DMD: variants seen among roughly 807,000 people sequenced by gnomAD.
DMD encodes the protein dystrophin.
DMD carries 63 observed loss-of-function variants against 330.1 expected under a neutral mutation model. The observed-to-expected ratio is 0.19, with a 90% CI of 0.16 to 0.24. The LOEUF (loss-of-function observed/expected upper bound fraction) is 0.24. DMD is among the 10% of genes least tolerant of loss of function. The pLI, the probability that DMD is intolerant of heterozygous loss-of-function variation, is 1.00. For missense variants in DMD, 3,344 were observed against 2,684.1 expected (o/e 1.25, Z -5.43); for synonymous variants, 1,223 against 959.8 (o/e 1.27, Z -5.07).
intron 44 of DMD, among the ~76,000 whole-genome samples, chrX:32,115,124 T>C (rs899776287): frequency 2.1e-4 from 23 of 112,057 alleles, no homozygotes; most frequent in African/African-American, 7.5e-4. Flanking sequence ...TTCTTCCTCC[T>C]GTTTTGAAAG....
chrX:32,677,122 GAA>G (rs946526696), intron 9 of DMD, among the ~76,000 whole-genome samples: 9 of 111,078 alleles, frequency 8.1e-5, no homozygotes, highest in Non-Finnish European at 1.5e-4. Flanking sequence ...AAAATTAATT[GAA>G]AAGAGTCTAG....
At chrX:32,998,514 A>C (rs1480389472) in intron 2 of DMD, among the ~76,000 whole-genome samples, 1 of 110,636 alleles carries the variant, frequency 9.0e-6, no homozygotes, top group Non-Finnish European at 1.9e-5. Context: ...TAGTATGAGC[A>C]AATGGCTTTT....
At chrX:32,436,475 C>T (rs1266318614) in intron 29 of DMD, among the ~76,000 whole-genome samples, 1 of 111,296 alleles carries the variant, frequency 9.0e-6, no homozygotes, top group Non-Finnish European at 1.9e-5. Context: ...GGGTATGTTG[C>T]TGAAATGAAT....
chrX:31,152,536 ATCT>A (rs2037562851), intron 74 of DMD, among the ~76,000 whole-genome samples: 1 of 30,326 alleles, frequency 3.3e-5, no homozygotes, highest in East Asian at 1.1e-3. Context: ...GAATTAATTC[ATCT>A]TTTTTTTTTT....
At chrX:33,171,675 AAT>A (rs2049355533) in intron 1 of DMD, among the ~76,000 whole-genome samples, 2 of 111,733 alleles carry the variant, frequency 1.8e-5, no homozygotes, top group Non-Finnish European at 3.8e-5. Context: ...ATAATTGAGA[AAT>A]GAGTCATGCA....
chrX:31,891,798 T>C (rs2094255984), intron 47 of DMD, among the ~76,000 whole-genome samples: 1 of 111,903 alleles, frequency 8.9e-6, no homozygotes. Context: ...CAAGGAGTTG[T>C]GGCCCAACCT....
intron 59 of DMD, among the ~76,000 whole-genome samples, chrX:31,460,035 C>G (rs940589909): frequency 1.1e-4 from 12 of 112,167 alleles, no homozygotes; most frequent in Non-Finnish European, 1.9e-4. Context: ...TTTCATGTCT[C>G]TTGTTTAAAG....
chrX:31,864,226 G>C (rs1369967941), intron 48 of DMD, among the ~76,000 whole-genome samples: 3 of 111,129 alleles, frequency 2.7e-5, no homozygotes, highest in Non-Finnish European at 5.7e-5. Flanking sequence ...TTGGCAAAGA[G>C]GAAAAGCACT....
intron 2 of DMD, among the ~76,000 whole-genome samples, chrX:33,012,522 G>A (rs1440661970): frequency 9.0e-6 from 1 of 111,454 alleles, no homozygotes; most frequent in African/African-American, 3.3e-5. Flanking sequence ...TCACCAAAAC[G>A]CAGTATGTAA....
In DMD at chrX:32,813,775, C is replaced by T. The variant is rs746364742; in HGVS notation, c.530+2693G>A. ...GAGTAAGAATGTGTGATGATTTTCT[C>T]GTTTTTCATATTGGTCAAAAGTTCC... On this transcript the variant is annotated intron_variant, in intron 6 of 78. Coordinates refer to ENST00000357033, the MANE Select transcript of DMD (RefSeq NM_004006.3). Among the ~76,000 whole-genome samples the T allele has an allele frequency of 4.5e-5, 5 of 111,031 alleles. No homozygotes were observed. In the East Asian group the frequency reaches 1.4e-3, roughly 31 times the overall value.
intron 1 of DMD, among the ~76,000 whole-genome samples, chrX:33,335,916 T>C (rs1299207942): frequency 9.0e-6 from 1 of 111,081 alleles, no homozygotes; most frequent in Non-Finnish European, 1.9e-5. Context: ...ATGGGCATCA[T>C]AAAAATCTTT....
At chrX:32,348,326 A>C in intron 38 of DMD, 80 bp downstream of exon 38, 1 of 991,909 alleles carries the variant, frequency 1.0e-6, no homozygotes. Flanking sequence ...CTGAAAATTC[A>C]GTTGGAGACT....
intron 1 of DMD, among the ~76,000 whole-genome samples, chrX:33,245,148 G>C (rs1412376048): frequency 1.8e-5 from 2 of 111,246 alleles, no homozygotes; most frequent in African/African-American, 6.5e-5. Flanking sequence ...TTTATCTGGA[G>C]TGAGGTTTTA....
intron 1 of DMD, among the ~76,000 whole-genome samples, chrX:33,120,440 C>T (rs1425843123): frequency 1.8e-5 from 2 of 111,464 alleles, no homozygotes; most frequent in East Asian, 2.8e-4. Context: ...TAACACAACC[C>T]CTCATATTTC....
At chrX:31,800,359 G>A (rs781423928) in intron 50 of DMD, among the ~76,000 whole-genome samples, 4 of 112,620 alleles carry the variant, frequency 3.6e-5, no homozygotes, top group Non-Finnish European at 7.5e-5. Context: ...AACACCACAT[G>A]TAAGCCACTA....
At chrX:32,422,394 T>G (rs948117004) in intron 29 of DMD, among the ~76,000 whole-genome samples, 7 of 111,539 alleles carry the variant, frequency 6.3e-5, no homozygotes, top group African/African-American at 2.0e-4. Flanking sequence ...TCTGTGTAAT[T>G]TTGGTGATGA....
chrX:32,677,197 T>G (rs953674546), intron 9 of DMD, among the ~76,000 whole-genome samples: 2 of 110,986 alleles, frequency 1.8e-5, no homozygotes, highest in African/African-American at 6.5e-5. Context: ...ACCACACAAA[T>G]AATTTATTTT....
At chrX:33,159,577 T>A (rs1229117906) in intron 1 of DMD, 1 of 111,859 alleles carries the variant, frequency 8.9e-6, no homozygotes, top group Non-Finnish European at 1.9e-5. Flanking sequence ...AGAATGATGG[T>A]TTCCAGCTTC....
At position 31,478,148 on chromosome X, in the gene DMD, A is replaced by T. The variant is rs781748062; in HGVS notation, c.8895T>A (p.Asp2965Glu). The T allele has an allele frequency of 5.8e-6, 7 of 1,208,630 alleles. No individual in the cohort carries two copies. The African/African-American group carries it at 1.2e-4, about 21-fold the overall frequency. The stretch of plus-strand genomic sequence containing the variant: ...GATCTTGGAGAGAGTCAATGAGGAG[A>T]TCGCCCACGGGCTGCCAGGATCCCT... ...VIKGSWQPVG[D>E]LLIDSLQDHL... Residue 2965 changes from aspartate (D) to glutamate (E), a missense_variant, in exon 59 of 79, where the codon GAT becomes GAA. Transcript: ENST00000357033.
Sources: gnomAD v4.1 joint callset for allele counts (sites outside exome capture counted in the v4.1 genomes callset) on GRCh38, gnomAD v4.1.1 for gene constraint, MANE v1.5 for transcripts, NCBI Gene and HGNC (gene_info 2026-07-23, HGNC 2026-07-21) for gene names.